The following DNAH14 variants were observed in gnomAD, a reference collection of about 807,000 sequenced individuals.
The protein encoded by DNAH14 is dynein axonemal heavy chain 14.
A neutral mutation model predicts 520.9 loss-of-function variants in DNAH14; 478 were observed. The ratio of observed to expected loss-of-function variants is 0.92; its 90% CI spans 0.85 to 0.99. The LOEUF (loss-of-function observed/expected upper bound fraction) is 0.99. Among genes scored for constraint, DNAH14 ranks in the 50% least tolerant of loss-of-function variants. The pLI is 0.00. For missense variants in DNAH14, 4,831 were observed against 5,234.5 expected (o/e 0.92, Z 2.38); for synonymous variants, 1,581 against 1,757.2 (o/e 0.90, Z 2.51).
chr1:225,000,704 T>G (rs2063706335), intron 8 of DNAH14, among the ~76,000 whole-genome samples: 1 of 151,918 alleles, frequency 6.6e-6, no homozygotes, highest in South Asian at 2.1e-4. Flanking sequence ...ATTTTTTTCC[T>G]GTTGTTTGGA....
Position 224,996,338 on chromosome 1 carries a change from T to A in DNAH14, c.831-6445T>A, listed in dbSNP as rs2449293. 4.1e-3 allele frequency among the ~76,000 whole-genome samples: 624 copies of A among 151,780 alleles called. 5 individuals carry two copies. Among genetic ancestry groups the A allele is most frequent in the African/African-American group, 0.014 (564 of 41,260 alleles). ...CCACTGAATTATTATTATTATTATT[T>A]TTTGTGGAAACAGTGCCTCACTGTG... On this transcript the variant is annotated intron_variant, in intron 8 of 85. Transcript: ENST00000682510.
At chr1:224,957,650 CT>C (rs1320311940) in intron 3 of DNAH14, among the ~76,000 whole-genome samples, 2 of 152,066 alleles carry the variant, frequency 1.3e-5, no homozygotes, top group Admixed American at 1.3e-4. Flanking sequence ...AAGGAAACAA[CT>C]GTATCCAAAA....
chr1:225,018,373 T>C (rs1022103041), intron 10 of DNAH14, among the ~76,000 whole-genome samples: 3 of 152,180 alleles, frequency 2.0e-5, no homozygotes, highest in South Asian at 4.1e-4. Context: ...ACACAACAGT[T>C]GAGAAATACG....
chr1:225,043,743 GAC>G lies in DNAH14; in HGVS notation c.1772_1773del (p.Thr591ArgfsTer3). 2.1e-6 allele frequency: 3 copies of G among 1,457,586 alleles called. No homozygotes were observed. The highest frequency in any genetic ancestry group is 2.8e-6 in the Non-Finnish European group (3 of 1,067,216). 90.3% of individuals were successfully genotyped at this position (1,457,586 alleles called of 1,614,324 possible). On this transcript the variant is annotated frameshift_variant and splice_region_variant, in exon 14 of 86. Transcript: ENST00000682510. LOFTEE classifies it high-confidence loss of function. ...ISYNLEDIIS[D>X]TEIETEFENK... ...CTCTTTCTTTCAATGGATTCTAATA[GAC>G]ACAGAAATTGAGACTGAGTTTGAGA...
chr1:225,015,889 G>A (rs910450987), intron 10 of DNAH14, among the ~76,000 whole-genome samples: 4 of 152,174 alleles, frequency 2.6e-5, no homozygotes, highest in Non-Finnish European at 5.9e-5. Flanking sequence ...TAACACCAGA[G>A]TGGGAAGCAA....
At chr1:225,253,680 C>T (rs1574314618) in intron 44 of DNAH14, among the ~76,000 whole-genome samples, 1 of 152,044 alleles carries the variant, frequency 6.6e-6, no homozygotes, top group East Asian at 1.9e-4. Context: ...CTTTATTCAT[C>T]CCACACGTAT....
At chr1:225,366,408 C>T (rs1237468970) in intron 76 of DNAH14, among the ~76,000 whole-genome samples, 5 of 150,850 alleles carry the variant, frequency 3.3e-5, no homozygotes, top group African/African-American at 1.2e-4. Context: ...ACTCTCTCTT[C>T]TCTCTCTCTC....
chr1:225,003,145 C>T (rs1243339450), intron 9 of DNAH14, among the ~76,000 whole-genome samples: 3 of 151,978 alleles, frequency 2.0e-5, no homozygotes, highest in Non-Finnish European at 2.9e-5. Context: ...TAACCTAAGT[C>T]TATAAGACCC....
At chr1:225,051,303 C>A (rs1454417548) in intron 16 of DNAH14, 148 bp from the exon 17 acceptor site, 5 of 553,828 alleles carry the variant, frequency 9.0e-6, no homozygotes, top group African/African-American at 2.0e-5. Flanking sequence ...CTTGTGTTTC[C>A]AACATATTTC....
chr1:225,251,962 T>C (rs1201745354), intron 43 of DNAH14, among the ~76,000 whole-genome samples: 2 of 152,194 alleles, frequency 1.3e-5, no homozygotes. Context: ...ATAACAAAGT[T>C]CTCTGATATA....
chr1:224,929,786 T>G lies in DNAH14; in HGVS notation c.-83T>G, dbSNP rs558251988. ...TCGCCGGCGTGGGCGGGCCGGACCTTCGCCGCTTCCAGGAAGGGCCACAAC... is the reference window on the plus strand; with the variant it reads ...TCGCCGGCGTGGGCGGGCCGGACCTGCGCCGCTTCCAGGAAGGGCCACAAC... On this transcript the variant is annotated 5_prime_UTR_variant, in exon 1 of 86. Coordinates refer to ENST00000682510, the MANE Select transcript of DNAH14 (RefSeq NM_001367479.1). The G allele has an allele frequency of 1.9e-5, 13 of 700,826 alleles. No homozygotes were observed. In the South Asian group the frequency reaches 1.9e-4, roughly 10 times the overall value. The allele number at this position is 700,826 out of a possible 1,614,324, so 43.4% of individuals were successfully genotyped here.
chr1:225,375,599 AC>A (rs2095687185), intron 78 of DNAH14, among the ~76,000 whole-genome samples: 1 of 152,224 alleles, frequency 6.6e-6, no homozygotes, highest in African/African-American at 2.4e-5. Flanking sequence ...GGATAGATAA[AC>A]AAAATAGTAA....
In DNAH14 at chr1:225,121,974, C is replaced by T. The variant is rs181723594; in HGVS notation, c.4167-1553C>T. Reference sequence around the variant, plus strand: ...GGCAGTACTTTATCTTACCAGAAAACATCAATAGAAGATTTTTATACTCCT... The same window carrying T: ...GGCAGTACTTTATCTTACCAGAAAATATCAATAGAAGATTTTTATACTCCT... On this transcript the variant is annotated intron_variant, in intron 26 of 85. Coordinates refer to ENST00000682510, the MANE Select transcript of DNAH14 (RefSeq NM_001367479.1). Among the ~76,000 whole-genome samples the T allele has an allele frequency of 2.9e-3, 439 of 151,934 alleles. 1 individual carries two copies. The highest frequency in any genetic ancestry group is 6.8e-3 in the Middle Eastern group (2 of 292).
chr1:225,197,598 G>A (rs565844996), intron 38 of DNAH14, among the ~76,000 whole-genome samples: 44 of 152,108 alleles, frequency 2.9e-4, no homozygotes, highest in South Asian at 2.1e-3. Context: ...GTATTTTGAC[G>A]GAAATTGTGT....
chr1:225,058,523 T>C (rs1454656405), intron 17 of DNAH14, among the ~76,000 whole-genome samples: 3 of 152,226 alleles, frequency 2.0e-5, no homozygotes, highest in African/African-American at 7.2e-5. Flanking sequence ...TTTGTGTCTC[T>C]ATGTCCTTCA....
At chr1:225,237,192 G>A (rs1221684790) in intron 42 of DNAH14, among the ~76,000 whole-genome samples, 1 of 152,048 alleles carries the variant, frequency 6.6e-6, no homozygotes, top group Non-Finnish European at 1.5e-5. Flanking sequence ...ACTTCTTTAT[G>A]TGGTTGTTTC....
At chr1:225,322,912 A>G in intron 62 of DNAH14, 89 bp downstream of exon 62, 2 of 1,252,388 alleles carry the variant, frequency 1.6e-6, no homozygotes, top group Non-Finnish European at 2.1e-6. Context: ...TTCTATTCTT[A>G]GATGGAGAGA....
At chr1:225,367,429 GAGGCCATGCAGCCTGGGTCCTGTT>G (rs1028152958) in intron 76 of DNAH14, among the ~76,000 whole-genome samples, 2 of 152,194 alleles carry the variant, frequency 1.3e-5, no homozygotes, top group African/African-American at 2.4e-5. Context: ...CTACCTCGCA[GAGGCCATGCAGCCTGGGTCCTGTT>G]ACAGCCTCAT....
At chr1:225,336,492 G>A (rs1424815588) in intron 66 of DNAH14, among the ~76,000 whole-genome samples, 1 of 151,756 alleles carries the variant, frequency 6.6e-6, no homozygotes, top group African/African-American at 2.4e-5. Context: ...GAACTATAGG[G>A]AAAAAATAGA....
Sources: allele counts gnomAD v4.1 joint callset (sites outside exome capture counted in the v4.1 genomes callset), GRCh38; gene constraint gnomAD v4.1.1; transcripts MANE v1.5; gene names NCBI Gene and HGNC (gene_info 2026-07-23, HGNC 2026-07-21).